The following ADAMTS9 variants were observed in gnomAD, a reference collection of about 807,000 sequenced individuals.
The protein encoded by ADAMTS9 is ADAM metallopeptidase with thrombospondin type 1 motif 9, also known as A disintegrin and metalloproteinase with thrombospondin motifs 9.
ADAMTS9 carries 107 observed loss-of-function variants against 257.1 expected under a neutral mutation model. The ratio of observed to expected loss-of-function variants is 0.42; its 90% confidence interval spans 0.36 to 0.49. ADAMTS9 has a LOEUF of 0.49. ADAMTS9 is among the 20% of genes least tolerant of loss of function. The pLI is 0.03. For synonymous variants in ADAMTS9, 982 were observed against 880.9 expected (o/e 1.11, Z -2.03); for missense variants, 2,353 against 2,469.1 (o/e 0.95, Z 1.00).
intron 28 of ADAMTS9, among the ~76,000 whole-genome samples, chr3:64,571,567 A>G (rs895302280): frequency 6.6e-6 from 1 of 152,148 alleles, no homozygotes; most frequent in African/African-American, 2.4e-5. Flanking sequence ...TACCCATTCC[A>G]GGGTTTTGTT....
intron 36 of ADAMTS9, among the ~76,000 whole-genome samples, 167 bp downstream of exon 36, chr3:64,540,928 A>C (rs2083112601): frequency 6.6e-6 from 1 of 152,224 alleles, no homozygotes; most frequent in Admixed American, 6.5e-5. Context: ...CTGCAGGACT[A>C]TCCTCGCTGC....
intron 19 of ADAMTS9, among the ~76,000 whole-genome samples, chr3:64,616,967 G>C (rs1206993890): frequency 6.6e-6 from 1 of 152,030 alleles, no homozygotes; most frequent in African/African-American, 2.4e-5. Flanking sequence ...AAAGAGTTCT[G>C]GCCTCATGCT....
chr3:64,648,910 C>A (rs1700862657), intron 10 of ADAMTS9, among the ~76,000 whole-genome samples: 1 of 152,084 alleles, frequency 6.6e-6, no homozygotes, highest in Non-Finnish European at 1.5e-5. Flanking sequence ...CAAGTTTACT[C>A]AAAATTTTGT....
chr3:64,618,904 C>G (rs1327607765), intron 19 of ADAMTS9, among the ~76,000 whole-genome samples: 4 of 152,016 alleles, frequency 2.6e-5, no homozygotes, highest in African/African-American at 9.7e-5. Context: ...CATTTTATGT[C>G]TAAAGGCTTC....
At position 64,668,159 on chromosome 3, in the gene ADAMTS9, G is replaced by A. The variant is rs545916074; in HGVS notation, c.680-9368C>T. 2.6e-5 allele frequency among the ~76,000 whole-genome samples: 4 copies of A among 152,304 alleles called. No individual in the cohort carries two copies. The South Asian group carries it at 6.2e-4, about 24-fold the overall frequency. ...GCCTCTCAGGCTGCTTTGTGCCACGGCTTGGCATCTCCCAAGCTTGCACTC... is the reference window on the plus strand; with the variant it reads ...GCCTCTCAGGCTGCTTTGTGCCACGACTTGGCATCTCCCAAGCTTGCACTC... On this transcript the variant is annotated intron_variant, in intron 3 of 39. Transcript: ENST00000498707.
intron 38 of ADAMTS9, among the ~76,000 whole-genome samples, chr3:64,529,982 A>ATTT (rs200385291): frequency 0.012 from 1,303 of 106,448 alleles, 45 homozygotes; most frequent in African/African-American, 0.028. Flanking sequence ...CAGTTATTTA[A>ATTT]TTTTTTTTTT....
intron 16 of ADAMTS9, among the ~76,000 whole-genome samples, chr3:64,624,537 ATTAT>A (rs1436150161): frequency 6.6e-6 from 1 of 152,174 alleles, no homozygotes; most frequent in Non-Finnish European, 1.5e-5. Context: ...TTCAGAAGAA[ATTAT>A]TTATTTATTA....
intron 12 of ADAMTS9, among the ~76,000 whole-genome samples, chr3:64,637,529 C>T (rs1700528976): frequency 6.6e-6 from 1 of 152,154 alleles, no homozygotes; most frequent in Non-Finnish European, 1.5e-5. Flanking sequence ...ATGACCAAAG[C>T]TATAAAGAAA....
intron 27 of ADAMTS9, among the ~76,000 whole-genome samples, chr3:64,595,465 T>C (rs1559783220): frequency 6.6e-6 from 1 of 152,222 alleles, no homozygotes; most frequent in Admixed American, 6.5e-5. Flanking sequence ...TGGAATGATC[T>C]GGTCTGTGCT....
chr3:64,638,720 T>C (rs748824904), intron 12 of ADAMTS9, among the ~76,000 whole-genome samples: 2 of 152,178 alleles, frequency 1.3e-5, no homozygotes, highest in African/African-American at 2.4e-5. Context: ...CTACAGCTTG[T>C]TCATGGAGTA....
intron 28 of ADAMTS9, among the ~76,000 whole-genome samples, chr3:64,578,838 C>A (rs554575678): frequency 6.6e-6 from 1 of 152,264 alleles, no homozygotes; most frequent in Non-Finnish European, 1.5e-5. Flanking sequence ...GGCACTATCT[C>A]AAAAATTCTT....
intron 28 of ADAMTS9, among the ~76,000 whole-genome samples, chr3:64,584,615 T>TA: frequency 6.6e-6 from 1 of 152,300 alleles, no homozygotes; most frequent in East Asian, 1.9e-4. Flanking sequence ...ATACATTTGT[T>TA]TCTTTAAGAA....
rs760606939 is a variant in ADAMTS9, at chr3:64,651,147, C to G, written c.1333G>C (p.Asp445His). 6.3e-7 allele frequency: 1 copy of G among 1,584,254 alleles called. No individual in the cohort carries two copies. Among genetic ancestry groups the G allele is most frequent in the African/African-American group, 1.4e-5 (1 of 72,984 alleles). ...ELGHVFNMPH[D>H]DNNKCKEEGV... ...TCTTCTTTACATTTGTTGTTGTCATCATGAGGCATGTTAAACCTAAAGCCA... is the reference window on the plus strand; with the variant it reads ...TCTTCTTTACATTTGTTGTTGTCATGATGAGGCATGTTAAACCTAAAGCCA... The change falls in exon 9 of 40, where the codon GAT becomes CAT. Residue 445 changes from aspartate to histidine, a missense_variant. Asp to His is a moderately conservative substitution (Grantham distance 81). Around this residue, in one of 3 missense-constraint regions of ADAMTS9, gnomAD observed 591 missense variants for 569.6 expected, o/e 1.04. Coordinates refer to ENST00000498707, the MANE Select transcript of ADAMTS9 (RefSeq NM_182920.2).
At chr3:64,519,669 A>G (rs1039187528) in intron 39 of ADAMTS9, among the ~76,000 whole-genome samples, 4 of 152,192 alleles carry the variant, frequency 2.6e-5, no homozygotes, top group Admixed American at 2.0e-4. Context: ...AATGTGATTC[A>G]CCACACAAAC....
intron 22 of ADAMTS9, among the ~76,000 whole-genome samples, chr3:64,609,351 T>G (rs2084623765): frequency 6.6e-6 from 1 of 152,140 alleles, no homozygotes; most frequent in African/African-American, 2.4e-5. Flanking sequence ...CTAATTCTAT[T>G]TGCAGATGTC....
intron 28 of ADAMTS9, among the ~76,000 whole-genome samples, chr3:64,579,904 T>C (rs1371976106): frequency 2.6e-5 from 4 of 152,184 alleles, no homozygotes; most frequent in African/African-American, 9.7e-5. Context: ...AAAGGGAACA[T>C]TATCTGAGAA....
chr3:64,602,290 T>C (rs185203134), intron 25 of ADAMTS9, 77 bp from the exon 26 acceptor site: 1 of 1,535,394 alleles, frequency 6.5e-7, no homozygotes, highest in East Asian at 2.3e-5. Context: ...TGCATTTCTG[T>C]AAATGGCCCA....
At chr3:64,641,138 C>A (rs1457876504) in intron 12 of ADAMTS9, among the ~76,000 whole-genome samples, 2 of 151,922 alleles carry the variant, frequency 1.3e-5, no homozygotes, top group African/African-American at 4.8e-5. Flanking sequence ...GTCCCAGGTC[C>A]CTTGAGGTCT....
intron 39 of ADAMTS9, among the ~76,000 whole-genome samples, chr3:64,517,434 TTTTTTG>T: frequency 7.3e-6 from 1 of 137,906 alleles, no homozygotes. Flanking sequence ...TTTTTTTTTT[TTTTTTG>T]CAGAAATGGG....
Sources: allele counts gnomAD v4.1 joint callset (sites outside exome capture counted in the v4.1 genomes callset), GRCh38; gene constraint gnomAD v4.1.1; regional missense constraint gnomAD v4.1.1; transcripts MANE v1.5; gene names NCBI Gene and HGNC (gene_info 2026-07-23, HGNC 2026-07-21).